Variants in HS6ST3 observed in about 807,000 individuals in gnomAD.
HS6ST3 encodes heparan-sulfate 6-O-sulfotransferase 3.
HS6ST3 carries 12 observed loss-of-function variants against 36.7 expected under a neutral mutation model. The ratio of observed to expected loss-of-function variants is 0.33; its 90% CI spans 0.21 to 0.53. The LOEUF is 0.53. Ranked by LOEUF, HS6ST3 falls within the 20% of genes least tolerant of loss-of-function variation. The pLI is 0.95. For synonymous variants in HS6ST3, 240 were observed against 257.5 expected, an observed-to-expected ratio of 0.93 and a Z score of 0.65; for missense variants, 584 against 640.9, an observed-to-expected ratio of 0.91 and a Z score of 0.96.
chr13:96,258,211 T>C (rs966740857), intron 1 of HS6ST3, among the ~76,000 whole-genome samples: 8 of 152,068 alleles, frequency 5.3e-5, no homozygotes, highest in Admixed American at 5.2e-4. Flanking sequence ...AACAGGAAAA[T>C]GGAAACATTC....
At chr13:96,237,689 T>C (rs2054541099) in intron 1 of HS6ST3, among the ~76,000 whole-genome samples, 1 of 152,210 alleles carries the variant, frequency 6.6e-6, no homozygotes, top group African/African-American at 2.4e-5. Flanking sequence ...CAACACTCAG[T>C]TGAAACTGTT....
chr13:96,777,820 C>T (rs1877426119), intron 1 of HS6ST3, among the ~76,000 whole-genome samples: 1 of 152,164 alleles, frequency 6.6e-6, no homozygotes, highest in Non-Finnish European at 1.5e-5. Context: ...TTGGAAAAGA[C>T]TACTTTAAAT....
chr13:96,349,088 C>A (rs1238243713), intron 1 of HS6ST3, among the ~76,000 whole-genome samples: 1 of 152,152 alleles, frequency 6.6e-6, no homozygotes, highest in Admixed American at 6.5e-5. Flanking sequence ...AATTTGTAAA[C>A]CTCAATGAAA....
In HS6ST3 at chr13:96,702,740, A is replaced by G. The variant is rs541573115; in HGVS notation, c.708-129750A>G. On this transcript the variant is annotated intron_variant, in intron 1 of 1. Transcript: ENST00000376705. ...AACAAAACTAAGCCCACTGGATTTAAACCTCTTTAAGGAGCTCTTAAATAT... is the reference window on the plus strand; with the variant it reads ...AACAAAACTAAGCCCACTGGATTTAGACCTCTTTAAGGAGCTCTTAAATAT... Among the ~76,000 whole-genome samples, 11 of 152,350 alleles carry G rather than the reference A, an allele frequency of 7.2e-5. No individual in the cohort carries two copies. In the East Asian group the frequency reaches 1.4e-3, roughly 19 times the overall value.
chr13:96,492,253 A>G (rs2055949938), intron 1 of HS6ST3, among the ~76,000 whole-genome samples: 1 of 152,186 alleles, frequency 6.6e-6, no homozygotes, highest in Admixed American at 6.5e-5. Context: ...CATTCTGCAG[A>G]CAGTGACACT....
chr13:96,721,551 C>A (rs917702413), intron 1 of HS6ST3, among the ~76,000 whole-genome samples: 3 of 152,104 alleles, frequency 2.0e-5, no homozygotes, highest in Non-Finnish European at 4.4e-5. Context: ...TGGCCATGGA[C>A]TAATAATAAT....
intron 1 of HS6ST3, among the ~76,000 whole-genome samples, chr13:96,745,881 GAACCTTC>G (rs1240398212): frequency 6.6e-6 from 1 of 151,904 alleles, no homozygotes; most frequent in Non-Finnish European, 1.5e-5. Context: ...ATTGTTCCTG[GAACCTTC>G]CTTTCATCTT....
intron 1 of HS6ST3, among the ~76,000 whole-genome samples, chr13:96,742,753 A>T (rs1475766367): frequency 4.6e-5 from 7 of 152,102 alleles, no homozygotes; most frequent in Non-Finnish European, 1.0e-4. Context: ...ATGATTAGGG[A>T]TATTAATTTC....
At chr13:96,511,308 A>G (rs1460450249) in intron 1 of HS6ST3, among the ~76,000 whole-genome samples, 1 of 152,028 alleles carries the variant, frequency 6.6e-6, no homozygotes. Context: ...AATGTGATAG[A>G]CTTTACTAAT....
At chr13:96,452,227 G>A (rs1353756441) in intron 1 of HS6ST3, among the ~76,000 whole-genome samples, 1 of 152,164 alleles carries the variant, frequency 6.6e-6, no homozygotes, top group Non-Finnish European at 1.5e-5. Flanking sequence ...TGGTAAACCT[G>A]TTAAATTCAT....
At chr13:96,761,147 CT>C (rs1876961735) in intron 1 of HS6ST3, among the ~76,000 whole-genome samples, 1 of 150,808 alleles carries the variant, frequency 6.6e-6, no homozygotes, top group South Asian at 2.1e-4. Context: ...CAGGTCCTCA[CT>C]GTGTTGCCCA....
chr13:96,592,627 T>TTTAC (rs1447048999), intron 1 of HS6ST3, among the ~76,000 whole-genome samples: 1 of 151,920 alleles, frequency 6.6e-6, no homozygotes, highest in East Asian at 1.9e-4. Flanking sequence ...TCCTCAGCAT[T>TTTAC]TTATTTATTT....
At chr13:96,397,732 T>C (rs2055429343) in intron 1 of HS6ST3, among the ~76,000 whole-genome samples, 2 of 152,250 alleles carry the variant, frequency 1.3e-5, no homozygotes, top group Admixed American at 1.3e-4. Context: ...TACTTTCATA[T>C]GTATAGTTCT....
intron 1 of HS6ST3, among the ~76,000 whole-genome samples, chr13:96,462,517 C>T (rs1427890704): frequency 6.6e-6 from 1 of 152,174 alleles, no homozygotes; most frequent in African/African-American, 2.4e-5. Flanking sequence ...AATAAGCATA[C>T]ACCTACTGGT....
At chr13:96,687,804 T>G (rs1464219287) in intron 1 of HS6ST3, among the ~76,000 whole-genome samples, 1 of 151,964 alleles carries the variant, frequency 6.6e-6, no homozygotes, top group South Asian at 2.1e-4. Flanking sequence ...AAAAAGCCAA[T>G]AAGACAGAAT....
chr13:96,095,863 G>GTGTGTGTGTGTGTGT (rs3223622), intron 1 of HS6ST3, among the ~76,000 whole-genome samples: 1 of 140,316 alleles, frequency 7.1e-6, no homozygotes, highest in Admixed American at 7.2e-5. Flanking sequence ...TTATATGACT[G>GTGTGTGTGTGTGTGT]GTGTGTGTGT....
At chr13:96,280,284 C>G (rs1333796741) in intron 1 of HS6ST3, among the ~76,000 whole-genome samples, 3 of 152,036 alleles carry the variant, frequency 2.0e-5, no homozygotes, top group South Asian at 2.1e-4. Flanking sequence ...ATGTTCTAGT[C>G]TTTGATGATA....
intron 1 of HS6ST3, among the ~76,000 whole-genome samples, chr13:96,298,267 A>C (rs945531738): frequency 3.9e-5 from 6 of 152,210 alleles, no homozygotes; most frequent in Non-Finnish European, 8.8e-5. Flanking sequence ...AAATAATTTC[A>C]AATTAAGTAA....
At chr13:96,271,697 G>A (rs1386064482) in intron 1 of HS6ST3, among the ~76,000 whole-genome samples, 2 of 151,974 alleles carry the variant, frequency 1.3e-5, no homozygotes, top group East Asian at 1.9e-4. Context: ...CGCAGAAGCT[G>A]TCTGAGAGAA....
Sources: allele counts gnomAD v4.1 joint callset (sites outside exome capture counted in the v4.1 genomes callset), GRCh38; gene constraint gnomAD v4.1.1; transcripts MANE v1.5; gene names NCBI Gene and HGNC (gene_info 2026-07-23, HGNC 2026-07-21).